CNBD1: variants seen among roughly 807,000 people sequenced by gnomAD.
The protein encoded by CNBD1 is cyclic nucleotide-binding domain-containing protein 1.
A neutral mutation model predicts 54.4 loss-of-function variants in CNBD1; 71 were observed. The observed-to-expected ratio is 1.30, with a 90% CI of 1.08 to 1.59. The LOEUF (loss-of-function observed/expected upper bound fraction) is 1.59, where lower values mean the gene tolerates loss of function less well. Ranked by LOEUF, CNBD1 falls within the 40% of genes most tolerant of loss-of-function variation. The probability of loss-of-function intolerance (pLI) is 0.00; values close to 1 mark genes in which losing one functional copy is unlikely to be tolerated. For missense variants in CNBD1, 659 were observed against 518.0 expected (o/e 1.27, Z -2.64); for synonymous variants, 182 against 170.7 (o/e 1.07, Z -0.51).
chr8:87,000,756 C>T (rs142085181), intron 4 of CNBD1, among the ~76,000 whole-genome samples: 173 of 152,214 alleles, frequency 1.1e-3, no homozygotes, highest in African/African-American at 3.6e-3. Context: ...GTTGTTCCAT[C>T]ATCTTATGGC....
At chr8:87,255,464 G>A (rs1168173007) in intron 6 of CNBD1, among the ~76,000 whole-genome samples, 1 of 151,756 alleles carries the variant, frequency 6.6e-6, no homozygotes, top group Admixed American at 6.6e-5. Flanking sequence ...AGAGATCAGA[G>A]AAATAACAAT....
chr8:87,063,782 A>G (rs1310087667), intron 4 of CNBD1, among the ~76,000 whole-genome samples: 2 of 152,096 alleles, frequency 1.3e-5, no homozygotes, highest in South Asian at 4.1e-4. Context: ...ACTTCTCTCA[A>G]TAGAGTTTAT....
chr8:87,057,730 TC>T (rs1169206288), intron 4 of CNBD1, among the ~76,000 whole-genome samples: 2 of 152,088 alleles, frequency 1.3e-5, no homozygotes, highest in African/African-American at 2.4e-5. Context: ...ATACCTGTAA[TC>T]CCAGCTACTC....
chr8:87,285,017 A>G (rs1236800393), intron 7 of CNBD1, among the ~76,000 whole-genome samples: 1 of 152,090 alleles, frequency 6.6e-6, no homozygotes, highest in Non-Finnish European at 1.5e-5. Context: ...GTCTCAATGA[A>G]TATATTTCAG....
chr8:86,980,609 A>G (rs1287905787), intron 4 of CNBD1, among the ~76,000 whole-genome samples: 3 of 152,196 alleles, frequency 2.0e-5, no homozygotes, highest in Admixed American at 1.3e-4. Flanking sequence ...TAAGAGTCAA[A>G]GGGATTGCTT....
At chr8:86,929,749 C>T (rs529389066) in intron 3 of CNBD1, among the ~76,000 whole-genome samples, 118 of 152,304 alleles carry the variant, frequency 7.7e-4, no homozygotes, top group African/African-American at 2.3e-3. Context: ...CCATTTACAT[C>T]ATGAGTAGTC....
intron 4 of CNBD1, among the ~76,000 whole-genome samples, chr8:87,152,298 ACGAATGATAAC>A (rs1202138444): frequency 6.6e-6 from 1 of 152,064 alleles, no homozygotes; most frequent in Non-Finnish European, 1.5e-5. Context: ...ACATTTTGGA[ACGAATGATAAC>A]CAATATTTCA....
chr8:87,391,323 CA>C (rs1272142562), intron 2 of CNBD1, among the ~76,000 whole-genome samples: 3 of 152,064 alleles, frequency 2.0e-5, no homozygotes, highest in Non-Finnish European at 2.9e-5. Flanking sequence ...CAGTCCCTAT[CA>C]AAACCCCAGC....
intron 4 of CNBD1, among the ~76,000 whole-genome samples, chr8:87,148,043 G>A (rs1270867994): frequency 6.6e-6 from 1 of 152,068 alleles, no homozygotes; most frequent in East Asian, 1.9e-4. Context: ...AAAAGTGTAT[G>A]TATTGAAGAA....
At chr8:86,941,285 CA>C (rs1222188001) in intron 4 of CNBD1, among the ~76,000 whole-genome samples, 2 of 152,126 alleles carry the variant, frequency 1.3e-5, no homozygotes, top group African/African-American at 4.8e-5. Context: ...TTAGGAAATT[CA>C]ACTAGAATAT....
At chr8:86,951,618 A>AAAAAAAAAT (rs1807627446) in intron 4 of CNBD1, among the ~76,000 whole-genome samples, 1 of 145,626 alleles carries the variant, frequency 6.9e-6, no homozygotes, top group Non-Finnish European at 1.5e-5. Flanking sequence ...AAAAAAAAAA[A>AAAAAAAAAT]AGATATTGCC....
At chr8:87,257,735 G>A (rs1427592385) in intron 6 of CNBD1, among the ~76,000 whole-genome samples, 2 of 152,206 alleles carry the variant, frequency 1.3e-5, no homozygotes, top group Admixed American at 6.6e-5. Flanking sequence ...TAACTAAGGG[G>A]TTATCACAGG....
chr8:86,888,690 A>G (rs914941140), intron 2 of CNBD1, among the ~76,000 whole-genome samples: 1 of 152,274 alleles, frequency 6.6e-6, no homozygotes, highest in East Asian at 1.9e-4. Context: ...AGCTCATCCA[A>G]TATTTTAAGT....
intron 2 of CNBD1, among the ~76,000 whole-genome samples, chr8:87,397,542 T>C (rs748163267): frequency 5.3e-5 from 8 of 151,960 alleles, no homozygotes; most frequent in Non-Finnish European, 1.2e-4. Flanking sequence ...ACAGACATTA[T>C]ATCTTTCTTG....
intron 10 of CNBD1, among the ~76,000 whole-genome samples, chr8:87,360,818 A>C (rs1810510540): frequency 6.6e-6 from 1 of 151,928 alleles, no homozygotes; most frequent in South Asian, 2.1e-4. Flanking sequence ...ACTATCTGAA[A>C]GTTTCTGCTT....
chr8:87,215,973 G>A (rs974423618), intron 5 of CNBD1, among the ~76,000 whole-genome samples: 6 of 152,198 alleles, frequency 3.9e-5, no homozygotes, highest in African/African-American at 1.2e-4. Flanking sequence ...TGCATGAATG[G>A]AATCATACAA....
chr8:87,376,316 T>G (rs1308688092), intron 10 of CNBD1, among the ~76,000 whole-genome samples: 1 of 151,824 alleles, frequency 6.6e-6, no homozygotes. Context: ...TCTCCTTGTA[T>G]TCTCACATGG....
At chr8:87,255,130 G>T (rs1483596404) in intron 6 of CNBD1, among the ~76,000 whole-genome samples, 1 of 152,006 alleles carries the variant, frequency 6.6e-6, no homozygotes, top group Non-Finnish European at 1.5e-5. Flanking sequence ...TTAATGCAAG[G>T]TTACTTAAGA....
intron 4 of CNBD1, among the ~76,000 whole-genome samples, chr8:87,064,741 G>A (rs775697240): frequency 1.8e-4 from 27 of 151,844 alleles, no homozygotes; most frequent in Non-Finnish European, 3.2e-4. Flanking sequence ...TTCTCTGGCT[G>A]TAGAATTCTA....
Sources: allele counts gnomAD v4.1 joint callset (sites outside exome capture counted in the v4.1 genomes callset), GRCh38; gene constraint gnomAD v4.1.1; transcripts MANE v1.5; gene names NCBI Gene and HGNC (gene_info 2026-07-23, HGNC 2026-07-21).